Variants in LHFPL1 observed in about 807,000 individuals in gnomAD.
The protein encoded by LHFPL1 is LHFPL tetraspan subfamily member 1 protein.
In LHFPL1, 4 loss-of-function variants were observed where a neutral mutation model predicts 12.1. The ratio of observed to expected loss-of-function variants is 0.33; its 90% CI spans 0.16 to 0.76. LHFPL1 has a LOEUF of 0.76. Among genes scored for constraint, LHFPL1 ranks in the 30% least tolerant of loss-of-function variants. The pLI is 0.61. For synonymous variants in LHFPL1, 52 were observed against 61.9 expected (o/e 0.84, Z 0.75); for missense variants, 141 against 174.1 (o/e 0.81, Z 1.07).
chrX:112,631,498 C>G lies in LHFPL1; in HGVS notation c.585G>C (p.Lys195Asn). ...TGATGCTCTCCACCAATATGACAGG[C>G]TTGGGGTTTCTTCCAGCAAAGCAAG... ...WLSCFAGRNPKPVILVESIMR... is the reference protein window; with the variant it reads ...WLSCFAGRNPNPVILVESIMR... The change falls in exon 4 of 4, where the codon AAG becomes AAC. Residue 195 changes from lysine (K) to asparagine (N), a missense_variant. Lys to Asn is a moderately conservative substitution (Grantham distance 94, BLOSUM62 0). Transcript: ENST00000371968. 1.7e-6 allele frequency: 2 copies of G among 1,210,317 alleles called. No homozygotes were observed. Among genetic ancestry groups the G allele is most frequent in the South Asian group, 3.5e-5 (2 of 56,772 alleles).
At position 112,660,641 on chromosome X, in the gene LHFPL1, T is replaced by C. The variant is rs980490140; in HGVS notation, c.467A>G (p.Asn156Ser). 1 of 1,208,390 alleles carries C rather than the reference T, an allele frequency of 8.3e-7. No individual in the cohort carries two copies. The change falls in exon 3 of 4, where the codon AAT becomes AGT. Residue 156 changes from asparagine to serine, a missense_variant. Asn to Ser is a conservative substitution (Grantham distance 46, BLOSUM62 1). Coordinates refer to ENST00000371968, the MANE Select transcript of LHFPL1 (RefSeq NM_178175.4). ...EIMQTCGNVS[N>S]QFQLGTCRLG... ...GGCCACCTTACCTAACTGAAATTGA[T>C]TGGAGACATTCCCACATGTTTGCAT... is the stretch of plus-strand genomic sequence containing the variant.
intron 3 of LHFPL1, among the ~76,000 whole-genome samples, chrX:112,636,262 T>C (rs1199712483): frequency 9.0e-6 from 1 of 111,195 alleles, no homozygotes; most frequent in African/African-American, 3.3e-5. Flanking sequence ...AAGGTCTGTG[T>C]CAAATAGATT....
intron 3 of LHFPL1, among the ~76,000 whole-genome samples, chrX:112,648,144 G>A (rs1180166941): frequency 2.0e-5 from 2 of 101,187 alleles, no homozygotes; most frequent in Non-Finnish European, 4.0e-5. Context: ...TGGACACAGT[G>A]AGGGAAACAT....
chrX:112,665,629 T>A (rs1931310660), intron 2 of LHFPL1, among the ~76,000 whole-genome samples: 1 of 112,113 alleles, frequency 8.9e-6, no homozygotes, highest in Non-Finnish European at 1.9e-5. Flanking sequence ...TCCAATAGGC[T>A]GCCATTTTGT....
chrX:112,652,179 C>A (rs910791393), intron 3 of LHFPL1, among the ~76,000 whole-genome samples: 9 of 112,318 alleles, frequency 8.0e-5, no homozygotes, highest in Admixed American at 6.6e-4. Flanking sequence ...TCAGATGCCC[C>A]TCTAGAATTC....
chrX:112,660,081 C>A (rs1007636861), intron 3 of LHFPL1, among the ~76,000 whole-genome samples: 3 of 112,252 alleles, frequency 2.7e-5, no homozygotes, highest in Non-Finnish European at 5.6e-5. Flanking sequence ...TATCAACTCA[C>A]AATAGTGAAC....
chrX:112,675,275 A>T (rs924541652), intron 1 of LHFPL1, among the ~76,000 whole-genome samples: 1 of 111,263 alleles, frequency 9.0e-6, no homozygotes, highest in East Asian at 2.8e-4. Context: ...GAAAAATAAA[A>T]TTTTTTAAAA....
At chrX:112,668,176 A>G (rs1208644217) in intron 2 of LHFPL1, among the ~76,000 whole-genome samples, 1 of 111,903 alleles carries the variant, frequency 8.9e-6, no homozygotes, top group East Asian at 2.8e-4. Flanking sequence ...TTGTGTCTTT[A>G]TCCATGGGGC....
chrX:112,641,935 G>A (rs1930520891), intron 3 of LHFPL1, among the ~76,000 whole-genome samples: 1 of 112,075 alleles, frequency 8.9e-6, no homozygotes, highest in African/African-American at 3.2e-5. Context: ...TGTGCTTGAT[G>A]CAGTGCTAGC....
chrX:112,637,149 T>A (rs1930365584), intron 3 of LHFPL1, among the ~76,000 whole-genome samples: 1 of 112,244 alleles, frequency 8.9e-6, no homozygotes, highest in African/African-American at 3.2e-5. Flanking sequence ...TGTGACAGAA[T>A]CTCTCATACA....
chrX:112,632,538 A>T (rs1051120686), intron 3 of LHFPL1, among the ~76,000 whole-genome samples: 5 of 111,664 alleles, frequency 4.5e-5, no homozygotes, highest in Non-Finnish European at 9.4e-5. Context: ...GTGATACAAA[A>T]TTGCAGAGAG....
chrX:112,640,435 G>A (rs775418667), intron 3 of LHFPL1, among the ~76,000 whole-genome samples: 6 of 111,858 alleles, frequency 5.4e-5, no homozygotes, highest in Non-Finnish European at 1.1e-4. Context: ...CTGGGCAAGA[G>A]AAGAAGACAG....
chrX:112,672,896 A>G (rs1266550136), intron 1 of LHFPL1, among the ~76,000 whole-genome samples: 3 of 112,207 alleles, frequency 2.7e-5, no homozygotes, highest in Non-Finnish European at 5.6e-5. Flanking sequence ...TGTTTTACAT[A>G]TGGGAGAATT....
chrX:112,652,177 C>T (rs1224834545), intron 3 of LHFPL1, among the ~76,000 whole-genome samples: 1 of 112,163 alleles, frequency 8.9e-6, no homozygotes, highest in Non-Finnish European at 1.9e-5. Flanking sequence ...AGTCAGATGC[C>T]CCTCTAGAAT....
At chrX:112,659,163 T>C (rs1012877613) in intron 3 of LHFPL1, among the ~76,000 whole-genome samples, 6 of 111,820 alleles carry the variant, frequency 5.4e-5, no homozygotes, top group African/African-American at 1.9e-4. Flanking sequence ...CTTTTTGGGC[T>C]GATGAAAATG....
chrX:112,644,201 G>A (rs898193543), intron 3 of LHFPL1, among the ~76,000 whole-genome samples: 3 of 112,117 alleles, frequency 2.7e-5, no homozygotes, highest in Non-Finnish European at 5.6e-5. Flanking sequence ...AGTTGCTTTG[G>A]ACAATCCCTT....
At chrX:112,653,582 T>C (rs761197288) in intron 3 of LHFPL1, among the ~76,000 whole-genome samples, 18 of 112,372 alleles carry the variant, frequency 1.6e-4, no homozygotes, top group Non-Finnish European at 2.4e-4. Flanking sequence ...CCTCCCTTTC[T>C]ATTCCTTTTC....
rs753765900 is a variant in LHFPL1 at position 112,671,022 on chromosome X, C to T, written c.369G>A (p.Ala123=). The T allele has an allele frequency of 2.2e-5, 26 of 1,208,099 alleles. No individual in the cohort carries two copies. The highest frequency in any genetic ancestry group is 2.3e-4 in the Middle Eastern group (1 of 4,333). Residue 123 remains alanine (A), a synonymous_variant, in exon 2 of 4, where the codon GCG becomes GCA. Transcript: ENST00000371968. ...GCACAGTCTTACCTCCAACAAACTG[C>T]GCTGCTCCCATGCAACGTCCCATCA... ...SRMMGRCMGA[A]QFVGGLLISS... is the part of the protein sequence containing the mutation.
intron 1 of LHFPL1, among the ~76,000 whole-genome samples, chrX:112,673,899 G>C (rs1445791878): frequency 9.0e-6 from 1 of 111,642 alleles, no homozygotes; most frequent in Non-Finnish European, 1.9e-5. Context: ...CACCATCAGG[G>C]CAAGTATATA....
Sources: allele counts gnomAD v4.1 joint callset (sites outside exome capture counted in the v4.1 genomes callset), GRCh38; gene constraint gnomAD v4.1.1; transcripts MANE v1.5; gene names NCBI Gene and HGNC (gene_info 2026-07-23, HGNC 2026-07-21).